EVC: variants seen among roughly 807,000 people sequenced by gnomAD.
EVC encodes evC complex member EVC.
Under a neutral mutation model 118.9 loss-of-function variants are expected in EVC, and 116 were observed. The observed-to-expected ratio is 0.98, with a 90% CI of 0.84 to 1.14. EVC has a LOEUF of 1.14. Among genes scored for constraint, EVC ranks in the 50% most tolerant of loss-of-function variants. EVC has a pLI of 0.00. For missense variants in EVC, 1,401 were observed against 1,246.4 expected, an observed-to-expected ratio of 1.12 and a Z score of -1.87; for synonymous variants, 619 against 534.7, an observed-to-expected ratio of 1.16 and a Z score of -2.18.
chr4:5,715,235 A>G (rs1357024514), intron 1 of EVC, among the ~76,000 whole-genome samples: 1 of 152,232 alleles, frequency 6.6e-6, no homozygotes, highest in Non-Finnish European at 1.5e-5. Context: ...TATCTTCTTG[A>G]GAAAAATATC....
rs192098552 is a variant in EVC, at chr4:5,742,411, A to G, written c.801+597A>G. Among the ~76,000 whole-genome samples the G allele has an allele frequency of 3.1e-3, 472 of 152,178 alleles. 2 individuals are homozygous for G. Among genetic ancestry groups the G allele is most frequent in the Non-Finnish European group, 3.3e-3 (225 of 68,028 alleles). ...TGTCATCCTCATTATCACAACCACC[A>G]CCAAAATCATCATCATCTTCATTAT... On this transcript the variant is annotated intron_variant, in intron 6 of 20. Transcript: ENST00000264956. This position sits in a 1 kb window ranked among gnomAD's most constrained non-coding sequence, Gnocchi z 5.2.
rs1728787057 is a variant in EVC, at chr4:5,742,646, C to A, written c.801+832C>A. On this transcript the variant is annotated intron_variant, in intron 6 of 20. Transcript: ENST00000264956. The surrounding 1 kb of genome is among the most constrained non-coding windows in gnomAD (Gnocchi z 5.2). ...CATCACCATCCTCATGTCCTCATTA[C>A]CATCATCATGAGCATCATTTTTATC... 6.6e-6 allele frequency among the ~76,000 whole-genome samples: 1 copy of A among 152,246 alleles called. No homozygotes were observed. Among genetic ancestry groups the A allele is most frequent in the Middle Eastern group, 3.4e-3 (1 of 294 alleles).
chr4:5,718,515 A>T (rs1724361222), intron 1 of EVC, among the ~76,000 whole-genome samples: 1 of 152,216 alleles, frequency 6.6e-6, no homozygotes, highest in Non-Finnish European at 1.5e-5. Flanking sequence ...AAGCACAGAA[A>T]TGCAAAAACT....
the EVC span, chr4:5,828,538 C>T: frequency 2.2e-5 from 35 of 1,614,112 alleles, no homozygotes; most frequent in Non-Finnish European, 2.9e-5. Context: ...GAACGCCTTC[C>T]GCGGAATGAA....
chr4:5,747,288 C>T (rs1219108196), intron 7 of EVC, among the ~76,000 whole-genome samples: 1 of 152,120 alleles, frequency 6.6e-6, no homozygotes, highest in Non-Finnish European at 1.5e-5. Flanking sequence ...TGCCCCCTCC[C>T]ATGCCCAGTC....
Position 5,789,539 on chromosome 4 carries a change from A to G in EVC, c.1777-4069A>G, listed in dbSNP as rs916605188. 1.9e-4 allele frequency among the ~76,000 whole-genome samples: 29 copies of G among 152,224 alleles called. No individual in the cohort carries two copies. Among genetic ancestry groups the G allele is most frequent in the Non-Finnish European group, 7.3e-5 (5 of 68,038 alleles). ...CCCTCCCTGTTTCTAGGAGGACACT[A>G]ACAAACTTTCAGCACATGCTAGGCA... On this transcript the variant is annotated intron_variant, in intron 12 of 20. Transcript: ENST00000264956. This position sits in a 1 kb window ranked among gnomAD's most constrained non-coding sequence, Gnocchi z 4.3.
intron 11 of EVC, among the ~76,000 whole-genome samples, chr4:5,762,624 GT>G (rs1460436248): frequency 6.7e-6 from 1 of 149,846 alleles, no homozygotes; most frequent in African/African-American, 2.5e-5. Flanking sequence ...TCTCATTGTG[GT>G]TTTGATTTGC....
chr4:5,769,697 C>T (rs921191564), intron 11 of EVC, among the ~76,000 whole-genome samples: 1 of 152,114 alleles, frequency 6.6e-6, no homozygotes, highest in Non-Finnish European at 1.5e-5. Flanking sequence ...ACTGTCCCCC[C>T]ATAGCTGTTT....
At chr4:5,821,860 G>A in the EVC span, 2 of 1,599,250 alleles carry the variant, frequency 1.3e-6, no homozygotes, top group African/African-American at 2.7e-5. The surrounding 1 kb of genome is among the most constrained non-coding windows in gnomAD (Gnocchi z 4.4). Context: ...ACCTGAAAGA[G>A]AGCGCCAATC....
At chr4:5,784,532 A>T (rs1577567809) in intron 12 of EVC, among the ~76,000 whole-genome samples, 1 of 151,686 alleles carries the variant, frequency 6.6e-6, no homozygotes, top group Non-Finnish European at 1.5e-5. Context: ...AAGATAGCAG[A>T]TTTGTGTTGT....
At position 5,801,935 on chromosome 4, in the gene EVC, C is replaced by T. The variant is rs963861102; in HGVS notation, c.2305-15C>T. ...TGACTTCTCTGCTGTCCCTGTCCTTCCTTTCTTCCCTCAGAGGACACTGAT... is the reference window on the plus strand; with the variant it reads ...TGACTTCTCTGCTGTCCCTGTCCTTTCTTTCTTCCCTCAGAGGACACTGAT... On this transcript the variant is annotated splice_polypyrimidine_tract_variant and intron_variant, in intron 15 of 20. Transcript: ENST00000264956. 16 of 1,612,288 alleles carry T rather than the reference C, an allele frequency of 9.9e-6. No individual in the cohort carries two copies. In the Admixed American group the frequency reaches 1.3e-4, roughly 13 times the overall value.
At chr4:5,776,404 C>A (rs1484384529) in intron 11 of EVC, among the ~76,000 whole-genome samples, 1 of 152,082 alleles carries the variant, frequency 6.6e-6, no homozygotes, top group African/African-American at 2.4e-5. Context: ...CTCATTCATT[C>A]TTTAAAAAAT....
At position 5,711,422 on chromosome 4, in the gene EVC, G is replaced by A. The variant is rs1213156946; in HGVS notation, c.42G>A (p.Leu14=). Residue 14 remains leucine (L), a synonymous_variant, in exon 1 of 21, where the codon CTG becomes CTA. Coordinates refer to ENST00000264956, the MANE Select transcript of EVC (RefSeq NM_153717.3). ...GGAACKSDAR[L]LLGRDALRPA... Reference sequence around the variant, plus strand: ...CGGCCTGCAAGAGCGACGCGCGGCTGCTGCTGGGGCGGGACGCGCTGCGGC... The same window carrying A: ...CGGCCTGCAAGAGCGACGCGCGGCTACTGCTGGGGCGGGACGCGCTGCGGC... The A allele has an allele frequency of 2.0e-6, 2 of 1,025,620 alleles. No individual in the cohort carries two copies. The highest frequency in any genetic ancestry group is 2.3e-6 in the Non-Finnish European group (2 of 859,452). The allele number at this position is 1,025,620 out of a possible 1,614,324, so 63.5% of individuals were successfully genotyped here. A position where few individuals can be genotyped will look rare whatever the true frequency, so the allele number is the denominator to read the frequency against.
downstream of EVC, among the ~76,000 whole-genome samples, chr4:5,818,053 A>G (rs115618865): frequency 6.3e-3 from 956 of 152,144 alleles, 7 homozygotes; most frequent in African/African-American, 0.022. Flanking sequence ...TAATTCCGTG[A>G]TGTGGGAGGG....
Position 5,801,993 on chromosome 4 carries a change from G to C in EVC, c.2348G>C (p.Ser783Thr), listed in dbSNP as rs760015762. 6.2e-7 allele frequency: 1 copy of C among 1,614,140 alleles called. No homozygotes were observed. The highest frequency in any genetic ancestry group is 1.1e-5 in the South Asian group (1 of 91,076). ...EAAVESVYVT[S>T]AGVSRLVQAY... Reference sequence around the variant, plus strand: ...GCAGTGGAGAGCGTCTACGTGACCAGCGCTGGTGTCAGCCGCCTGGTGCAG... The same window carrying C: ...GCAGTGGAGAGCGTCTACGTGACCACCGCTGGTGTCAGCCGCCTGGTGCAG... Residue 783 changes from serine (S) to threonine (T), a missense_variant, in exon 16 of 21, where the codon AGC becomes ACC. Physicochemically the swap from Ser to Thr is moderately conservative, Grantham distance 58. Transcript: ENST00000264956.
Position 5,772,459 on chromosome 4 carries a change from G to T in EVC, c.1564-11093G>T, listed in dbSNP as rs192437168. Among the ~76,000 whole-genome samples the T allele has an allele frequency of 1.7e-3, 266 of 152,086 alleles. 7 individuals carry two copies. The highest frequency in any genetic ancestry group is 6.2e-3 in the African/African-American group (255 of 41,444). On this transcript the variant is annotated intron_variant, in intron 11 of 20. Transcript: ENST00000264956. The stretch of plus-strand genomic sequence containing the variant: ...TAACCTCTCTGATCCAGGAATTCTT[G>T]GCTACCTTCCTTTTAAGTTCTTAAC...
At chr4:5,728,683 A>C (rs1208120343) in intron 2 of EVC, among the ~76,000 whole-genome samples, 2 of 152,212 alleles carry the variant, frequency 1.3e-5, no homozygotes, top group East Asian at 3.9e-4. Context: ...AGGAGTTAGA[A>C]GATTTGCCCA....
Position 5,808,288 on chromosome 4 carries a change from C to T in EVC, c.2649C>T (p.Val883=), listed in dbSNP as rs1483799016. The T allele has an allele frequency of 3.1e-6, 5 of 1,614,086 alleles. No homozygotes were observed. The highest frequency in any genetic ancestry group is 3.4e-6 in the Non-Finnish European group (4 of 1,180,044). The change falls in exon 18 of 21, where the codon GTC becomes GTT. Residue 883 remains valine, a synonymous_variant. Coordinates refer to ENST00000264956, the MANE Select transcript of EVC (RefSeq NM_153717.3). ...ACGCCCAGCAGCAGCAGGCAGGAGT[C>T]ATGGACCTTCTGGAAGCCCAGCTGG... ...RLHAQQQQAG[V]MDLLEAQLET... is the part of the protein sequence containing the mutation.
chr4:5,718,901 C>T (rs1724450317), intron 1 of EVC, among the ~76,000 whole-genome samples: 1 of 152,136 alleles, frequency 6.6e-6, no homozygotes, highest in Non-Finnish European at 1.5e-5. Flanking sequence ...GTTGTTAAAT[C>T]CAAAGAGCTC....
Sources: gnomAD v4.1 joint callset for allele counts (sites outside exome capture counted in the v4.1 genomes callset) on GRCh38, gnomAD v4.1.1 for gene constraint, Gnocchi (gnomAD v3.1) non-coding constraint, MANE v1.5 for transcripts, NCBI Gene and HGNC (gene_info 2026-07-23, HGNC 2026-07-21) for gene names.